Variants in TTC39B observed in about 807,000 individuals in gnomAD.
The protein encoded by TTC39B is tetratricopeptide repeat domain 39B, also known as tetratricopeptide repeat protein 39B.
A neutral mutation model predicts 96.6 loss-of-function variants in TTC39B; 92 were observed. The observed-to-expected ratio is 0.95, with a 90% CI of 0.80 to 1.13. The LOEUF (loss-of-function observed/expected upper bound fraction) is 1.13, where lower values mean the gene tolerates loss of function less well. TTC39B is among the 50% of genes most tolerant of loss of function. The probability of loss-of-function intolerance (pLI) is 0.00; values close to 1 mark genes in which losing one functional copy is unlikely to be tolerated. For missense variants in TTC39B, 955 were observed against 809.3 expected, an observed-to-expected ratio of 1.18 and a Z score of -2.18; for synonymous variants, 367 against 299.4, an observed-to-expected ratio of 1.23 and a Z score of -2.33.
intron 3 of TTC39B, among the ~76,000 whole-genome samples, chr9:15,218,267 A>T (rs1003100490): frequency 4.0e-5 from 6 of 151,894 alleles, no homozygotes; most frequent in African/African-American, 1.5e-4. Flanking sequence ...TAATGAAAAG[A>T]TTCCTGGACT....
chr9:15,177,773 A>G (rs766512480), exon 18 of TTC39B: 3 of 1,613,348 alleles, frequency 1.9e-6, no homozygotes, highest in Non-Finnish European at 2.5e-6. Context: ...CCTTTAAGTA[A>G]CTTCACTAAG....
intron 2 of TTC39B, among the ~76,000 whole-genome samples, chr9:15,259,595 A>G (rs981500007): frequency 2.0e-5 from 3 of 152,256 alleles, no homozygotes; most frequent in African/African-American, 4.8e-5. Flanking sequence ...AATGTGATAT[A>G]TTCATATAAA....
chr9:15,169,257 A>G (rs564276314), exon 20 of TTC39B: 3 of 152,274 alleles, frequency 2.0e-5, no homozygotes, highest in African/African-American at 2.4e-5. Flanking sequence ...ATTTTCCTAT[A>G]TAACTTGGAA....
intron 2 of TTC39B, among the ~76,000 whole-genome samples, chr9:15,261,675 C>T (rs553237061): frequency 6.6e-6 from 1 of 152,254 alleles, no homozygotes; most frequent in East Asian, 1.9e-4. Context: ...TGACCCTCTG[C>T]ACTGCCTCTA....
chr9:15,266,033 A>G (rs1823117491), intron 2 of TTC39B, among the ~76,000 whole-genome samples: 2 of 152,216 alleles, frequency 1.3e-5, no homozygotes, highest in Non-Finnish European at 2.9e-5. Context: ...ACTAGGTACA[A>G]ACTAAATAAA....
chr9:15,300,873 A>G lies in TTC39B; in HGVS notation c.240+6211T>C, dbSNP rs1391531729. On this transcript the variant is annotated intron_variant, in intron 1 of 19. Coordinates refer to ENST00000512701, the Ensembl canonical transcript of TTC39B. ...CACTACTTCACTCCAGCCTGGGTGAAAGAGTAAAACTCCGTCTCAAAAAAA... is the reference window on the plus strand; with the variant it reads ...CACTACTTCACTCCAGCCTGGGTGAGAGAGTAAAACTCCGTCTCAAAAAAA... 2.9e-5 allele frequency among the ~76,000 whole-genome samples: 4 copies of G among 138,480 alleles called. No homozygotes were observed. In the South Asian group the frequency reaches 7.7e-4, roughly 27 times the overall value. The allele number at this position is 138,480 out of a possible 152,430, so 90.8% of individuals were successfully genotyped here. A position where few individuals can be genotyped will look rare whatever the true frequency, so the allele number is the denominator to read the frequency against.
intron 8 of TTC39B, among the ~76,000 whole-genome samples, chr9:15,196,885 C>G (rs575218960): frequency 6.6e-6 from 1 of 152,266 alleles, no homozygotes; most frequent in East Asian, 1.9e-4. Flanking sequence ...CACTGCTGTC[C>G]TTTTGTAAAA....
At chr9:15,207,861 G>A (rs1819959180) in intron 6 of TTC39B, among the ~76,000 whole-genome samples, 2 of 150,420 alleles carry the variant, frequency 1.3e-5, no homozygotes, top group Admixed American at 6.6e-5. Context: ...GCGGGCACCT[G>A]TAATCCCAGC....
At chr9:15,303,155 G>C (rs1824654637) in intron 1 of TTC39B, among the ~76,000 whole-genome samples, 1 of 151,832 alleles carries the variant, frequency 6.6e-6, no homozygotes, top group South Asian at 2.1e-4. Flanking sequence ...GCAACAGAGG[G>C]AGACTCCAAC....
At chr9:15,232,779 G>A (rs1821498423) in intron 2 of TTC39B, among the ~76,000 whole-genome samples, 1 of 152,196 alleles carries the variant, frequency 6.6e-6, no homozygotes, top group South Asian at 2.1e-4. Flanking sequence ...CGAAGAGAAG[G>A]AGAAGACCCT....
At chr9:15,170,144 C>CATTGTACAGACAATAAAGTTGTACAGTAA in exon 20 of TTC39B, 1 of 20,020 alleles carries the variant, frequency 5.0e-5, no homozygotes, top group Non-Finnish European at 8.5e-5. Context: ...TTGTCTGTAC[C>CATTGTACAGACAATAAAGTTGTACAGTAA]TAAAGTTGTA....
intron 2 of TTC39B, among the ~76,000 whole-genome samples, chr9:15,252,951 C>T (rs1822616478): frequency 6.6e-6 from 1 of 152,138 alleles, no homozygotes; most frequent in Admixed American, 6.5e-5. Flanking sequence ...CAATGCAAAA[C>T]AGTTATATAA....
chr9:15,237,140 C>T (rs760882186), intron 2 of TTC39B, among the ~76,000 whole-genome samples: 6 of 152,122 alleles, frequency 3.9e-5, no homozygotes, highest in African/African-American at 7.2e-5. Flanking sequence ...CATGGCGAAA[C>T]GTCATCTCCA....
At chr9:15,236,105 A>G (rs1821768316) in intron 2 of TTC39B, among the ~76,000 whole-genome samples, 1 of 152,224 alleles carries the variant, frequency 6.6e-6, no homozygotes, top group Non-Finnish European at 1.5e-5. Context: ...CTTTCGACTC[A>G]AAGTAAAAGG....
intron 2 of TTC39B, among the ~76,000 whole-genome samples, chr9:15,254,852 C>A (rs200015327): frequency 1.5e-5 from 2 of 132,592 alleles, no homozygotes; most frequent in Admixed American, 7.2e-5. Context: ...CACACACACA[C>A]ACACACACAA....
intron 9 of TTC39B, among the ~76,000 whole-genome samples, chr9:15,191,600 T>G (rs1818860810): frequency 6.6e-6 from 1 of 152,020 alleles, no homozygotes; most frequent in Non-Finnish European, 1.5e-5. Flanking sequence ...GAAGCAAAAA[T>G]CAGTCATAGT....
intron 13 of TTC39B, among the ~76,000 whole-genome samples, chr9:15,188,578 G>T (rs1393301713): frequency 6.6e-6 from 1 of 152,024 alleles, no homozygotes; most frequent in East Asian, 1.9e-4. Context: ...CAGGAAACAG[G>T]CAAAGATGTA....
chr9:15,272,499 A>T (rs1356519828), intron 1 of TTC39B, among the ~76,000 whole-genome samples: 1 of 152,188 alleles, frequency 6.6e-6, no homozygotes, highest in Non-Finnish European at 1.5e-5. Context: ...CTCGGTGTTT[A>T]GTTCCCTCCT....
intron 1 of TTC39B, among the ~76,000 whole-genome samples, chr9:15,298,370 C>G (rs1824457609): frequency 6.6e-6 from 1 of 152,102 alleles, no homozygotes; most frequent in Non-Finnish European, 1.5e-5. Context: ...CATTTTCATA[C>G]TGCTGTGAAG....
Sources: allele counts gnomAD v4.1 joint callset (sites outside exome capture counted in the v4.1 genomes callset), GRCh38; gene constraint gnomAD v4.1.1; transcripts MANE v1.5; gene names NCBI Gene and HGNC (gene_info 2026-07-23, HGNC 2026-07-21).